SH3PXD2B: variants seen among roughly 807,000 people sequenced by gnomAD.
SH3PXD2B encodes SH3 and PX domains 2B.
Under a neutral mutation model 73.1 loss-of-function variants are expected in SH3PXD2B, and 37 were observed. That is an observed-to-expected ratio of 0.51 (90% CI 0.39 to 0.67). The LOEUF is 0.67. Among genes scored for constraint, SH3PXD2B ranks in the 30% least tolerant of loss-of-function variants. SH3PXD2B has a pLI of 0.00. For synonymous variants in SH3PXD2B, 457 were observed against 480.5 expected (o/e 0.95, Z 0.64); for missense variants, 1,053 against 1,197.8 (o/e 0.88, Z 1.78).
At chr5:172,384,528 T>A (rs1337110572) in intron 4 of SH3PXD2B, among the ~76,000 whole-genome samples, 2 of 151,956 alleles carry the variant, frequency 1.3e-5, no homozygotes, top group East Asian at 3.9e-4. Context: ...CCTTCCACCC[T>A]CCCCCAGCAA....
chr5:172,429,786 C>A lies in SH3PXD2B; in HGVS notation c.76-7290G>T, dbSNP rs1371645066. ...CTCAGAAGTACAGTGCCTACAGTTG[C>A]ACAGCTATGACGTGCAGAGCAGGGA... On this transcript the variant is annotated intron_variant, in intron 1 of 12. Coordinates refer to ENST00000311601, the MANE Select transcript of SH3PXD2B (RefSeq NM_001017995.3). Among the ~76,000 whole-genome samples the A allele has an allele frequency of 2.6e-5, 4 of 152,184 alleles. No homozygotes were observed. The East Asian group carries it at 7.7e-4, about 29-fold the overall frequency.
chr5:172,453,766 TC>T (rs1171772462), intron 1 of SH3PXD2B, among the ~76,000 whole-genome samples: 1 of 152,050 alleles, frequency 6.6e-6, no homozygotes, highest in Non-Finnish European at 1.5e-5. Flanking sequence ...TTCCCAGAGA[TC>T]TCCTCCATCG....
chr5:172,448,419 C>T (rs753800632), intron 1 of SH3PXD2B, among the ~76,000 whole-genome samples: 3 of 152,124 alleles, frequency 2.0e-5, no homozygotes, highest in Non-Finnish European at 2.9e-5. Context: ...GGCGCAATCT[C>T]GGCTCACTGC....
chr5:172,338,918 A>T lies in SH3PXD2B; in HGVS notation c.2187T>A (p.Pro729=). 2 of 1,614,018 alleles carry T rather than the reference A, an allele frequency of 1.2e-6. No individual in the cohort carries two copies. Among genetic ancestry groups the T allele is most frequent in the Non-Finnish European group, 1.7e-6 (2 of 1,179,906 alleles). The part of the protein sequence containing the change: ...LSPKEISCRA[P]PRPAKTTDPV... ...GATCTGTGGTCTTGGCTGGCCTCGG[A>T]GGGGCTCTGCAGGAAATCTCTTTTG... Residue 729 remains proline, a synonymous_variant, in exon 13 of 13, where the codon CCT becomes CCA. Transcript: ENST00000311601. The surrounding 1 kb of genome is among the most constrained non-coding windows in gnomAD (Gnocchi z 5.1).
chr5:172,336,492 A>G lies in SH3PXD2B; in HGVS notation c.*1877T>C. On this transcript the variant is annotated 3_prime_UTR_variant, in exon 13 of 13. Coordinates refer to ENST00000311601, the MANE Select transcript of SH3PXD2B (RefSeq NM_001017995.3). ...GGCACTAAAGATGCTACAGGTGATC[A>G]GAGGAAGCTCCTCACGCAGAAGCAG... 1 of 985,600 alleles carries G rather than the reference A, an allele frequency of 1.0e-6. No individual in the cohort carries two copies. The highest frequency in any genetic ancestry group is 1.2e-6 in the Non-Finnish European group (1 of 829,970). 61.1% of individuals were successfully genotyped at this position (985,600 alleles called of 1,614,324 possible). A position where few individuals can be genotyped will look rare whatever the true frequency, so the allele number is the denominator to read the frequency against.
chr5:172,379,639 A>G (rs1478329327), intron 5 of SH3PXD2B, among the ~76,000 whole-genome samples: 1 of 152,206 alleles, frequency 6.6e-6, no homozygotes, highest in Admixed American at 6.5e-5. Flanking sequence ...ATGTCTGGTC[A>G]TTCCAAGAGG....
intron 2 of SH3PXD2B, among the ~76,000 whole-genome samples, chr5:172,411,088 C>A (rs1018111346): frequency 1.3e-5 from 2 of 152,164 alleles, no homozygotes; most frequent in Admixed American, 1.3e-4. Flanking sequence ...GAAAGCAGAG[C>A]CATTAATCAG....
Position 172,337,317 on chromosome 5 carries a change from C to T in SH3PXD2B, c.*1052G>A, listed in dbSNP as rs1756725608. On this transcript the variant is annotated 3_prime_UTR_variant, in exon 13 of 13. Transcript: ENST00000311601. ...TCTTCCCTGCCTGGTTTGTCTTTTA[C>T]AGAGGGGAGGGCACAGGCACTGAAG... The T allele has an allele frequency of 1.0e-6, 1 of 985,606 alleles. No individual in the cohort carries two copies. The allele number at this position is 985,606 out of a possible 1,614,324, so 61.1% of individuals were successfully genotyped here. A position where few individuals can be genotyped will look rare whatever the true frequency, so the allele number is the denominator to read the frequency against.
intron 4 of SH3PXD2B, among the ~76,000 whole-genome samples, chr5:172,385,900 G>A (rs1758050962): frequency 6.6e-6 from 1 of 152,188 alleles, no homozygotes; most frequent in Non-Finnish European, 1.5e-5. Flanking sequence ...ATGACCCGGG[G>A]CTGGAGAAAC....
rs1316453452 is a variant in SH3PXD2B, at chr5:172,335,408, G to C, written c.*2961C>G. 8.2e-7 allele frequency: 1 copy of C among 1,220,620 alleles called. No individual in the cohort carries two copies. The highest frequency in any genetic ancestry group is 4.4e-5 in the Admixed American group (1 of 22,638). 75.6% of individuals were successfully genotyped at this position (1,220,620 alleles called of 1,614,324 possible). ...CCTGCTAATGGCAGAGAAAAGTCAT[G>C]GACACGAGGGAAAGAACAACAACAA... On this transcript the variant is annotated 3_prime_UTR_variant, in exon 13 of 13. Transcript: ENST00000311601.
At chr5:172,408,603 G>A (rs1363665904) in intron 2 of SH3PXD2B, among the ~76,000 whole-genome samples, 1 of 138,440 alleles carries the variant, frequency 7.2e-6, no homozygotes, top group Non-Finnish European at 1.5e-5. Flanking sequence ...CAATGGCATG[G>A]TCTTGGTTCA....
Position 172,377,292 on chromosome 5 carries a change from A to C in SH3PXD2B, c.402-3477T>G, listed in dbSNP as rs142567737. 7.0e-4 allele frequency among the ~76,000 whole-genome samples: 106 copies of C among 152,220 alleles called. No homozygotes were observed. The East Asian group carries it at 0.02, about 29-fold the overall frequency. ...ACCAGCTGGCTAGGAAAGACGCCCA[A>C]AGTCCATGTCAAGCCCTAACATGGG... is the stretch of plus-strand genomic sequence containing the variant. On this transcript the variant is annotated intron_variant, in intron 5 of 12. Transcript: ENST00000311601.
At chr5:172,388,553 G>T (rs1199139971) in intron 4 of SH3PXD2B, among the ~76,000 whole-genome samples, 1 of 152,196 alleles carries the variant, frequency 6.6e-6, no homozygotes, top group African/African-American at 2.4e-5. Context: ...TAGTCCAAGT[G>T]AATTCATTAT....
rs200833313 is a variant in SH3PXD2B, at chr5:172,373,792, G to A, written c.425C>T (p.Ser142Phe). The A allele has an allele frequency of 6.2e-7, 1 of 1,613,868 alleles. No homozygotes were observed. The highest frequency in any genetic ancestry group is 1.7e-5 in the Admixed American group (1 of 59,998). Residue 142 changes from serine (S) to phenylalanine (F), a missense_variant and splice_region_variant, in exon 6 of 13, where the codon TCT becomes TTT. Coordinates refer to ENST00000311601, the MANE Select transcript of SH3PXD2B (RefSeq NM_001017995.3). ...AAGAAAATAGAAAATATTCTTACCAGATTTCTTTTTCCCAATGTGCTCCCT... is the reference window on the plus strand; with the variant it reads ...AAGAAAATAGAAAATATTCTTACCAAATTTCTTTTTCCCAATGTGCTCCCT... ...PKEEHIGKKK[S>F]GGDQTSVDPM...
At chr5:172,446,587 T>A (rs1759667537) in intron 1 of SH3PXD2B, among the ~76,000 whole-genome samples, 2 of 152,102 alleles carry the variant, frequency 1.3e-5, no homozygotes, top group Non-Finnish European at 2.9e-5. Context: ...AACGGCACAG[T>A]CCCTCTAGCC....
At chr5:172,369,850 T>G (rs1158657102) in intron 6 of SH3PXD2B, among the ~76,000 whole-genome samples, 1 of 150,682 alleles carries the variant, frequency 6.6e-6, no homozygotes, top group Non-Finnish European at 1.5e-5. Flanking sequence ...CAGGGAGCAT[T>G]CAAATGCCTT....
chr5:172,353,948 A>G lies in SH3PXD2B; in HGVS notation c.725T>C (p.Leu242Pro), dbSNP rs768902280. Residue 242 changes from leucine to proline, a missense_variant, in exon 9 of 13, where the codon CTG (leucine) becomes CCG (proline). This residue lies in a region of SH3PXD2B where 466 missense variants were observed against 607.1 expected (regional missense o/e 0.77). Coordinates refer to ENST00000311601, the MANE Select transcript of SH3PXD2B (RefSeq NM_001017995.3). This position sits in a 1 kb window ranked among gnomAD's most constrained non-coding sequence, Gnocchi z 4.3. ...GACCTCCACCACAGCCCCTCTCTCC[A>G]GGTTCATTTCATCCTGGTCCCGAGC... Reference protein sequence around the residue: ...YTARDQDEMNLERGAVVEVIQ... With the variant: ...YTARDQDEMNPERGAVVEVIQ... 6.2e-7 allele frequency: 1 copy of G among 1,614,000 alleles called. No individual in the cohort carries two copies. Among genetic ancestry groups the G allele is most frequent in the East Asian group, 2.2e-5 (1 of 44,862 alleles).
chr5:172,386,571 G>A (rs1758063941), intron 4 of SH3PXD2B, among the ~76,000 whole-genome samples: 1 of 130,830 alleles, frequency 7.6e-6, no homozygotes, highest in Non-Finnish European at 1.6e-5. Flanking sequence ...TTCTGTTGTT[G>A]TTGTTGTTTT....
chr5:172,433,227 G>C (rs1276234940), intron 1 of SH3PXD2B, among the ~76,000 whole-genome samples: 1 of 152,108 alleles, frequency 6.6e-6, no homozygotes, highest in Non-Finnish European at 1.5e-5. Flanking sequence ...ATACCACAGA[G>C]CCTAGGTGTG....
Sources: allele counts gnomAD v4.1 joint callset (sites outside exome capture counted in the v4.1 genomes callset), GRCh38; gene constraint gnomAD v4.1.1; regional missense constraint gnomAD v4.1.1; non-coding constraint Gnocchi (gnomAD v3.1); transcripts MANE v1.5; gene names NCBI Gene and HGNC (gene_info 2026-07-23, HGNC 2026-07-21).